The following KCNMA1 variants were observed in gnomAD, a reference collection of about 807,000 sequenced individuals.
KCNMA1 encodes the protein Calcium-activated potassium channel subunit alpha-1.
A neutral mutation model predicts 140.0 loss-of-function variants in KCNMA1; 29 were observed. That is an observed-to-expected ratio of 0.21 (90% confidence interval 0.15 to 0.28). The LOEUF (loss-of-function observed/expected upper bound fraction) is 0.28, where lower values mean the gene tolerates loss of function less well. Among genes scored for constraint, KCNMA1 ranks in the 10% least tolerant of loss-of-function variants. The pLI is 1.00. For missense variants in KCNMA1, 880 were observed against 1,602.2 expected (o/e 0.55, Z 7.70); for synonymous variants, 612 against 611.9 (o/e 1.00, Z 0.00).
chr10:77,507,223 ATG>A (rs2046465235), intron 1 of KCNMA1, among the ~76,000 whole-genome samples: 1 of 152,242 alleles, frequency 6.6e-6, no homozygotes. Flanking sequence ...CCATGGGAAA[ATG>A]AGGACTCTTG....
chr10:77,025,394 G>C, intron 16 of KCNMA1: 1 of 1,513,612 alleles, frequency 6.6e-7, no homozygotes, highest in Non-Finnish European at 9.1e-7. Context: ...CTGTGGTTAG[G>C]AGTGAAGATA....
At chr10:77,325,333 A>G (rs1294525409) in intron 2 of KCNMA1, among the ~76,000 whole-genome samples, 1 of 152,128 alleles carries the variant, frequency 6.6e-6, no homozygotes, top group Admixed American at 6.5e-5. Context: ...GGCGTCGAGG[A>G]GAGCAGGTGT....
chr10:77,392,497 G>C (rs1261370249), intron 2 of KCNMA1, among the ~76,000 whole-genome samples: 1 of 152,190 alleles, frequency 6.6e-6, no homozygotes, highest in Non-Finnish European at 1.5e-5. Context: ...CAGAAACCTT[G>C]CCACCCCAAA....
intron 2 of KCNMA1, among the ~76,000 whole-genome samples, chr10:77,320,717 G>GT (rs1328581448): frequency 6.6e-6 from 1 of 152,120 alleles, no homozygotes; most frequent in Non-Finnish European, 1.5e-5. Flanking sequence ...ATGATATGAT[G>GT]TAACTCTAGC....
chr10:76,912,094 G>C (rs2050557462), intron 24 of KCNMA1: 1 of 152,168 alleles, frequency 6.6e-6, no homozygotes, highest in African/African-American at 2.4e-5. Context: ...TGAATACCTT[G>C]TATACCGTTC....
intron 2 of KCNMA1, among the ~76,000 whole-genome samples, chr10:77,334,461 T>C (rs2087971933): frequency 6.6e-6 from 1 of 152,236 alleles, no homozygotes; most frequent in Admixed American, 6.5e-5. Context: ...TCTTTGTAAT[T>C]TGGCCCCAAC....
At chr10:77,133,213 G>GAA in intron 5 of KCNMA1, among the ~76,000 whole-genome samples, 1 of 139,854 alleles carries the variant, frequency 7.2e-6, no homozygotes, top group African/African-American at 2.6e-5. Flanking sequence ...CCAATGAAAA[G>GAA]AAAAAAAAAA....
At chr10:77,109,723 C>T (rs1367029768) in intron 8 of KCNMA1, among the ~76,000 whole-genome samples, 1 of 151,916 alleles carries the variant, frequency 6.6e-6, no homozygotes, top group Non-Finnish European at 1.5e-5. Flanking sequence ...AGGCCCCAGC[C>T]ACAGTGTTTG....
At chr10:77,608,985 A>G (rs1293873352) in intron 1 of KCNMA1, among the ~76,000 whole-genome samples, 1 of 152,208 alleles carries the variant, frequency 6.6e-6, no homozygotes, top group Non-Finnish European at 1.5e-5. Flanking sequence ...ACCCTGTTAC[A>G]CTGTTGGTGG....
intron 3 of KCNMA1, among the ~76,000 whole-genome samples, chr10:77,216,914 C>T (rs2047962142): frequency 6.6e-6 from 1 of 152,152 alleles, no homozygotes; most frequent in Non-Finnish European, 1.5e-5. Flanking sequence ...TCTTAAGTGG[C>T]ACAGCCAGGA....
chr10:76,891,830 G>T, intron 25 of KCNMA1, 111 bp from the exon 26 acceptor site: 1 of 846,250 alleles, frequency 1.2e-6, no homozygotes, highest in Non-Finnish European at 2.0e-6. Flanking sequence ...TAAAGTTCTG[G>T]CCTGTCTCTT....
At chr10:77,008,242 A>G in intron 18 of KCNMA1, 3 of 1,513,010 alleles carry the variant, frequency 2.0e-6, no homozygotes, top group Non-Finnish European at 2.6e-6. Context: ...CCAAGGCAGC[A>G]AAGAGAAAAA....
In KCNMA1 at chr10:77,637,584, C is replaced by G; in HGVS notation, c.59G>C (p.Gly20Ala). ...ATTGCTACTCATTCTAAGACTGCTG[C>G]CTCCGCCGCCGCCGCCGCCGCCGCT... The part of the protein sequence containing the change: ...GSSGGGGGGG[G>A]SSLRMSSNIH... The change falls in exon 1 of 28, where the codon GGC becomes GCC. Residue 20 changes from glycine to alanine, a missense_variant. This residue lies in a region of KCNMA1 where 94 missense variants were observed against 92.4 expected (regional missense o/e 1.02). Coordinates refer to ENST00000286628, the MANE Select transcript of KCNMA1 (RefSeq NM_001161352.2). The G allele has an allele frequency of 6.5e-7, 1 of 1,532,254 alleles. No homozygotes were observed. The allele number at this position is 1,532,254 out of a possible 1,614,324, so 94.9% of individuals were successfully genotyped here.
intron 19 of KCNMA1, among the ~76,000 whole-genome samples, chr10:76,991,957 C>T (rs1000655057): frequency 2.0e-5 from 3 of 152,208 alleles, no homozygotes; most frequent in Middle Eastern, 6.3e-3. Flanking sequence ...AGCTCTAGGG[C>T]TGGAGTCTTT....
At chr10:77,408,278 G>A (rs1403020458) in intron 1 of KCNMA1, among the ~76,000 whole-genome samples, 3 of 152,174 alleles carry the variant, frequency 2.0e-5, no homozygotes, top group African/African-American at 4.8e-5. Flanking sequence ...ATGCAGCCAC[G>A]CCCAAACCTT....
chr10:77,600,012 C>A (rs534302794), intron 1 of KCNMA1, among the ~76,000 whole-genome samples: 2 of 152,316 alleles, frequency 1.3e-5, no homozygotes, highest in African/African-American at 4.8e-5. Flanking sequence ...CACTGCCAAC[C>A]ATCTCCATGT....
At chr10:77,217,199 G>C (rs2048061963) in intron 3 of KCNMA1, among the ~76,000 whole-genome samples, 1 of 151,842 alleles carries the variant, frequency 6.6e-6, no homozygotes, top group Non-Finnish European at 1.5e-5. Flanking sequence ...CACCTACTCG[G>C]GAGGCTGAGG....
intron 1 of KCNMA1, among the ~76,000 whole-genome samples, chr10:77,593,936 G>A (rs2080004166): frequency 6.6e-6 from 1 of 152,190 alleles, no homozygotes; most frequent in African/African-American, 2.4e-5. Flanking sequence ...TTGGGCTCCT[G>A]GGAGCACAGT....
Position 77,291,247 on chromosome 10 carries a change from C to T in KCNMA1, c.541-39991G>A, listed in dbSNP as rs540625294. Among the ~76,000 whole-genome samples, 12 of 152,212 alleles carry T rather than the reference C, an allele frequency of 7.9e-5. No homozygotes were observed. In the East Asian group the frequency reaches 2.3e-3, roughly 29 times the overall value. ...ATTAGAGGTTTAAATAAAAAGTCCC[C>T]GGATTCTAACCTGCTGAGATTTCTT... On this transcript the variant is annotated intron_variant, in intron 2 of 27. Coordinates refer to ENST00000286628, the MANE Select transcript of KCNMA1 (RefSeq NM_001161352.2).
Sources: allele counts gnomAD v4.1 joint callset (sites outside exome capture counted in the v4.1 genomes callset), GRCh38; gene constraint gnomAD v4.1.1; regional missense constraint gnomAD v4.1.1; transcripts MANE v1.5; gene names NCBI Gene and HGNC (gene_info 2026-07-23, HGNC 2026-07-21).